DENND2A: variants seen among roughly 807,000 people sequenced by gnomAD.
DENND2A encodes the protein DENN domain-containing protein 2A.
DENND2A carries 53 observed loss-of-function variants against 105.3 expected under a neutral mutation model. The ratio of observed to expected loss-of-function variants is 0.50; its 90% CI spans 0.40 to 0.63. The LOEUF (loss-of-function observed/expected upper bound fraction) is 0.63. Ranked by LOEUF, DENND2A falls within the 30% of genes least tolerant of loss-of-function variation. The pLI, the probability that DENND2A is intolerant of heterozygous loss-of-function variation, is 0.00. For synonymous variants in DENND2A, 522 were observed against 508.4 expected, an observed-to-expected ratio of 1.03 and a Z score of -0.36; for missense variants, 1,138 against 1,279.6, an observed-to-expected ratio of 0.89 and a Z score of 1.69.
At chr7:140,594,106 C>T (rs1224080911) in intron 3 of DENND2A, among the ~76,000 whole-genome samples, 1 of 152,036 alleles carries the variant, frequency 6.6e-6, no homozygotes, top group Non-Finnish European at 1.5e-5. Flanking sequence ...CGAGGTTTCA[C>T]CATGTAGGCC....
intron 11 of DENND2A, 51 bp from the exon 12 acceptor site, chr7:140,555,764 AG>A (rs1290279215): frequency 6.6e-7 from 1 of 1,504,106 alleles, no homozygotes; most frequent in Non-Finnish European, 9.0e-7. Context: ...ACCTCAGGGA[AG>A]AAAGGAACCC....
chr7:140,530,930 C>T (rs1013584271), intron 14 of DENND2A, among the ~76,000 whole-genome samples: 3 of 152,166 alleles, frequency 2.0e-5, no homozygotes, highest in Non-Finnish European at 4.4e-5. Flanking sequence ...CAGGGTTTCA[C>T]CACGTTGGTC....
Position 140,557,509 on chromosome 7 carries a change from GTATATATATA to G in DENND2A, c.1959+624_1959+633del. ...TGTTTTTTTAATGTTTTATTTTTTA[GTATATATATA>G]TATATATATATATTTTTTTTTTTTT... is the stretch of plus-strand genomic sequence containing the variant. On this transcript the variant is annotated intron_variant, in intron 11 of 19. Transcript: ENST00000496613. 7.3e-3 allele frequency among the ~76,000 whole-genome samples: 122 copies of G among 16,786 alleles called. 2 individuals are homozygous for G. The highest frequency in any genetic ancestry group is 0.011 in the Non-Finnish European group (84 of 7,414). The allele number at this position is 16,786 out of a possible 152,430, so 11.0% of individuals were successfully genotyped here. A position where few individuals can be genotyped will look rare whatever the true frequency, so the allele number is the denominator to read the frequency against.
intron 12 of DENND2A, among the ~76,000 whole-genome samples, chr7:140,547,705 T>C (rs1351514635): frequency 6.6e-6 from 1 of 152,214 alleles, no homozygotes; most frequent in Non-Finnish European, 1.5e-5. Context: ...AGCGGCATTA[T>C]TCATAATAGC....
chr7:140,605,361 T>G (rs902746188), intron 2 of DENND2A, among the ~76,000 whole-genome samples: 1 of 152,166 alleles, frequency 6.6e-6, no homozygotes, highest in Non-Finnish European at 1.5e-5. Flanking sequence ...ACTGACTGTG[T>G]ACAGGTACAG....
intron 15 of DENND2A, among the ~76,000 whole-genome samples, chr7:140,526,394 G>A (rs1192077816): frequency 1.3e-5 from 2 of 152,230 alleles, no homozygotes; most frequent in African/African-American, 2.4e-5. Flanking sequence ...TGCTGCTCCT[G>A]AGAGCGCGAC....
intron 3 of DENND2A, among the ~76,000 whole-genome samples, chr7:140,594,761 A>G (rs764472527): frequency 1.3e-5 from 2 of 152,228 alleles, no homozygotes; most frequent in African/African-American, 2.4e-5. Context: ...CTCTGTCGCC[A>G]GGCTGGAGTG....
chr7:140,555,661 A>T lies in DENND2A; in HGVS notation c.2012T>A (p.Leu671Gln). The change falls in exon 12 of 20, where the codon CTG becomes CAG. Residue 671 changes from leucine to glutamine, a missense_variant. By Grantham distance (113) the Leu-to-Gln change is moderately radical. Coordinates refer to ENST00000496613, the MANE Select transcript of DENND2A (RefSeq NM_015689.5). ...CCTTGAAAAGAGGCTGAAGCATCCC[A>T]GGCGGCTCACAATGCAGTAAACTTC... ...LPEVYCIVSR[L>Q]GCFSLFSRIL... The T allele has an allele frequency of 6.2e-7, 1 of 1,610,066 alleles. No homozygotes were observed. The highest frequency in any genetic ancestry group is 8.5e-7 in the Non-Finnish European group (1 of 1,178,906).
At position 140,527,235 on chromosome 7, in the gene DENND2A, G is replaced by A. The variant is rs548429269; in HGVS notation, c.2505+83C>T. 241 of 1,400,650 alleles carry A rather than the reference G, an allele frequency of 1.7e-4. No individual in the cohort carries two copies. The East Asian group carries it at 3.8e-3, about 22-fold the overall frequency. The allele number at this position is 1,400,650 out of a possible 1,614,324, so 86.8% of individuals were successfully genotyped here. On this transcript the variant is annotated intron_variant, in intron 15 of 19. Coordinates refer to ENST00000496613, the MANE Select transcript of DENND2A (RefSeq NM_015689.5). This position sits in a 1 kb window ranked among gnomAD's most constrained non-coding sequence, Gnocchi z 4.9. The stretch of plus-strand genomic sequence containing the variant: ...CCCAACACTGCTGGCTCTGAGAACC[G>A]CTCCATGATGCCTGCAGAGCCAGCG...
intron 14 of DENND2A, among the ~76,000 whole-genome samples, chr7:140,535,729 G>T (rs1796432983): frequency 6.6e-6 from 1 of 152,010 alleles, no homozygotes; most frequent in African/African-American, 2.4e-5. Flanking sequence ...TTACAGGCAT[G>T]TGCCACCATG....
chr7:140,552,864 GAGA>G, intron 12 of DENND2A, among the ~76,000 whole-genome samples: 1 of 152,230 alleles, frequency 6.6e-6, no homozygotes, highest in Middle Eastern at 3.4e-3. Flanking sequence ...CAGATTTACA[GAGA>G]AGTACAAGTT....
chr7:140,618,043 G>A (rs1037318027), intron 1 of DENND2A, among the ~76,000 whole-genome samples: 10 of 152,150 alleles, frequency 6.6e-5, no homozygotes, highest in African/African-American at 1.2e-4. Context: ...TAGAAGAAGT[G>A]CAATTTAGTG....
intron 12 of DENND2A, among the ~76,000 whole-genome samples, chr7:140,549,537 G>A (rs947305727): frequency 6.6e-6 from 1 of 152,206 alleles, no homozygotes; most frequent in Non-Finnish European, 1.5e-5. Context: ...ACAGGTGTAA[G>A]CCGCCATGCC....
In DENND2A at chr7:140,554,203, C is replaced by T. The variant is rs183049955; in HGVS notation, c.2037+1433G>A. On this transcript the variant is annotated intron_variant, in intron 12 of 19. Transcript: ENST00000496613. ...GTCGCACCCTTGCACTCCAGCCTGG[C>T]GACAGAACGAGACTCCGTCTCAAAA... is the stretch of plus-strand genomic sequence containing the variant. Among the ~76,000 whole-genome samples the T allele has an allele frequency of 4.4e-4, 65 of 148,444 alleles. No homozygotes were observed. In the East Asian group the frequency reaches 0.013, roughly 30 times the overall value.
chr7:140,576,668 C>T (rs1005307735), intron 5 of DENND2A, among the ~76,000 whole-genome samples: 1 of 152,182 alleles, frequency 6.6e-6, no homozygotes, highest in Non-Finnish European at 1.5e-5. Context: ...AAAATAAAGA[C>T]TCCTAGTTTC....
intron 1 of DENND2A, among the ~76,000 whole-genome samples, chr7:140,607,945 G>C (rs574150541): frequency 6.6e-6 from 1 of 152,252 alleles, no homozygotes; most frequent in African/African-American, 2.4e-5. Context: ...TGCCGTCATC[G>C]AGAGCACCAG....
chr7:140,592,229 C>T (rs1175819887), intron 3 of DENND2A, among the ~76,000 whole-genome samples: 3 of 139,668 alleles, frequency 2.1e-5, no homozygotes, highest in African/African-American at 2.7e-5. Flanking sequence ...TTTTTTGAGA[C>T]GGAGTCTCGC....
In DENND2A at chr7:140,535,990, A is replaced by T. The variant is rs186522233; in HGVS notation, c.2328-8495T>A. 1.1e-4 allele frequency among the ~76,000 whole-genome samples: 17 copies of T among 152,312 alleles called. No homozygotes were observed. The East Asian group carries it at 1.5e-3, about 14-fold the overall frequency. ...GGCCATCAAAAGAACGAAGGGTGTC[A>T]CAGGAAGGTAATTCTAGCGCTCCTT... On this transcript the variant is annotated intron_variant, in intron 14 of 19. Transcript: ENST00000496613.
Position 140,601,741 on chromosome 7 carries a change from G to C in DENND2A, c.657C>G (p.Pro219=), listed in dbSNP as rs1268626342. The stretch of plus-strand genomic sequence containing the variant: ...TGGGCTCCCTGCCTTCCAGGTCCGA[G>C]GGGTGGACCCTCTGGCTGACTTCTG... The part of the protein sequence containing the change: ...SGSEVSQRVH[P]SDLEGREPTP... Residue 219 remains proline (P), a synonymous_variant, in exon 3 of 20, where the codon CCC becomes CCG. Transcript: ENST00000496613. 3 of 1,613,868 alleles carry C rather than the reference G, an allele frequency of 1.9e-6. No homozygotes were observed. Among genetic ancestry groups the C allele is most frequent in the East Asian group, 4.5e-5 (2 of 44,858 alleles).
Sources: gnomAD v4.1 joint callset for allele counts (sites outside exome capture counted in the v4.1 genomes callset) on GRCh38, gnomAD v4.1.1 for gene constraint, Gnocchi (gnomAD v3.1) non-coding constraint, MANE v1.5 for transcripts, NCBI Gene and HGNC (gene_info 2026-07-23, HGNC 2026-07-21) for gene names.